Variants in PRUNE2 observed in about 807,000 individuals in gnomAD.
PRUNE2 encodes protein prune homolog 2.
A neutral mutation model predicts 252.0 loss-of-function variants in PRUNE2; 164 were observed. That is an observed-to-expected ratio of 0.65 (90% CI 0.57 to 0.74). PRUNE2 has a LOEUF of 0.74. Among genes scored for constraint, PRUNE2 ranks in the 30% least tolerant of loss-of-function variants. The probability of loss-of-function intolerance (pLI) is 0.00; values close to 1 mark genes in which losing one functional copy is unlikely to be tolerated. For missense variants in PRUNE2, 3,495 were observed against 3,711.0 expected (o/e 0.94, Z 1.51); for synonymous variants, 1,292 against 1,350.2 (o/e 0.96, Z 0.94).
rs1442489917 is a variant in PRUNE2 at position 76,877,613 on chromosome 9, A to G, written c.37-23405T>C. Among the ~76,000 whole-genome samples the G allele has an allele frequency of 2.6e-5, 4 of 152,280 alleles. No homozygotes were observed. The East Asian group carries it at 7.7e-4, about 29-fold the overall frequency. On this transcript the variant is annotated intron_variant, in intron 1 of 18. Coordinates refer to ENST00000376718, the MANE Select transcript of PRUNE2 (RefSeq NM_015225.3). Reference sequence around the variant, plus strand: ...GGAACCCCTCCAATCAGACTACCCAAAAGTGATCCCCCCAGCTGCTGAATA... The same window carrying G: ...GGAACCCCTCCAATCAGACTACCCAGAAGTGATCCCCCCAGCTGCTGAATA...
At chr9:76,662,254 C>T (rs1279999741) in intron 9 of PRUNE2, among the ~76,000 whole-genome samples, 1 of 152,160 alleles carries the variant, frequency 6.6e-6, no homozygotes, top group East Asian at 1.9e-4. Flanking sequence ...CTCTAATGAT[C>T]CTGAATACCA....
rs2046505539 is a variant in PRUNE2 at position 76,708,946 on chromosome 9, C to T, written c.3328G>A (p.Asp1110Asn). 2.5e-6 allele frequency: 4 copies of T among 1,613,980 alleles called. No individual in the cohort carries two copies. The highest frequency in any genetic ancestry group is 1.6e-4 in the Middle Eastern group (1 of 6,062). ...SSTNSRQTAP[D>N]SLDLWNRVIL... ...ACTCTGTTCCACAAGTCGAGACTGT[C>T]AGGGGCCGTCTGCCGGGAGTTGGTG... Residue 1110 changes from aspartate to asparagine, a missense_variant, in exon 8 of 19, where the codon GAC (aspartate) becomes AAC (asparagine). Physicochemically the swap from Asp to Asn is conservative, Grantham distance 23 (BLOSUM62 1). Coordinates refer to ENST00000376718, the MANE Select transcript of PRUNE2 (RefSeq NM_015225.3).
Position 76,720,021 on chromosome 9 carries a change from C to G in PRUNE2, c.757-6300G>C, listed in dbSNP as rs573820447. Among the ~76,000 whole-genome samples, 5 of 152,270 alleles carry G rather than the reference C, an allele frequency of 3.3e-5. No individual in the cohort carries two copies. In the South Asian group the frequency reaches 1.0e-3, roughly 32 times the overall value. On this transcript the variant is annotated intron_variant, in intron 6 of 18. Transcript: ENST00000376718. The stretch of plus-strand genomic sequence containing the variant: ...GACAAAGCTGTTAACTGGATTATTA[C>G]TTTAATAACTAAAACTTACAAACAA...
chr9:76,833,244 T>G (rs530310513), intron 4 of PRUNE2, among the ~76,000 whole-genome samples: 3 of 152,188 alleles, frequency 2.0e-5, no homozygotes, highest in Admixed American at 6.5e-5. Flanking sequence ...GGATATTGCA[T>G]AGCCACCAAG....
intron 10 of PRUNE2, 44 bp from the exon 11 acceptor site, chr9:76,652,727 G>A (rs1847914801): frequency 1.5e-6 from 2 of 1,379,242 alleles, no homozygotes; most frequent in Non-Finnish European, 1.0e-6. Context: ...TAAACCAGAG[G>A]AGCAATCTAA....
chr9:76,863,645 A>G (rs905079045), intron 1 of PRUNE2, among the ~76,000 whole-genome samples: 1 of 152,220 alleles, frequency 6.6e-6, no homozygotes, highest in African/African-American at 2.4e-5. Flanking sequence ...GTACTAAACA[A>G]CAGCAGCACA....
intron 6 of PRUNE2, among the ~76,000 whole-genome samples, chr9:76,818,573 A>T (rs2057838364): frequency 6.6e-6 from 1 of 151,940 alleles, no homozygotes; most frequent in South Asian, 2.1e-4. Flanking sequence ...GGTCATGAGG[A>T]GGTCTGAGGC....
chr9:76,847,154 G>A (rs992887569), intron 3 of PRUNE2, among the ~76,000 whole-genome samples: 4 of 151,910 alleles, frequency 2.6e-5, no homozygotes, highest in Admixed American at 1.3e-4. Context: ...GTGAAACCTC[G>A]TCTCTACTAA....
chr9:76,624,202 A>G (rs1283618773), intron 17 of PRUNE2, among the ~76,000 whole-genome samples: 1 of 152,190 alleles, frequency 6.6e-6, no homozygotes, highest in Non-Finnish European at 1.5e-5. Flanking sequence ...TGTGGTGCCT[A>G]GAATTGCGTG....
At chr9:76,773,585 A>C (rs150369184) in intron 6 of PRUNE2, among the ~76,000 whole-genome samples, 2 of 152,056 alleles carry the variant, frequency 1.3e-5, no homozygotes, top group African/African-American at 4.8e-5. Context: ...CTGGGATTAC[A>C]GGCACCTGCC....
chr9:76,776,823 T>TG (rs2053822304), intron 6 of PRUNE2, among the ~76,000 whole-genome samples: 1 of 151,258 alleles, frequency 6.6e-6, no homozygotes, highest in African/African-American at 2.4e-5. Flanking sequence ...GCCAGCAGTT[T>TG]TTTTTTTTTT....
chr9:76,787,208 T>C (rs2055073617), intron 6 of PRUNE2: 1 of 152,198 alleles, frequency 6.6e-6, no homozygotes, highest in African/African-American at 2.4e-5. Flanking sequence ...TATATCAACT[T>C]TGATTCTTTG....
intron 11 of PRUNE2, chr9:76,652,090 T>C (rs11144993): frequency 0.039 from 6,175 of 160,174 alleles, 382 homozygotes; most frequent in African/African-American, 0.14. Flanking sequence ...GAAAAGAACA[T>C]TGCAGATAGT....
At chr9:76,750,648 G>A (rs1389188605) in intron 6 of PRUNE2, among the ~76,000 whole-genome samples, 4 of 152,178 alleles carry the variant, frequency 2.6e-5, no homozygotes, top group Non-Finnish European at 5.9e-5. Context: ...TTGCACAAGA[G>A]TCCATGGGCT....
chr9:76,897,576 G>A (rs35307956), intron 1 of PRUNE2, among the ~76,000 whole-genome samples: 1 of 151,436 alleles, frequency 6.6e-6, no homozygotes, highest in Non-Finnish European at 1.5e-5. Flanking sequence ...ACCACGCCCA[G>A]TTAATTTTTT....
intron 1 of PRUNE2, among the ~76,000 whole-genome samples, chr9:76,890,709 G>C (rs547781752): frequency 6.6e-6 from 1 of 152,172 alleles, no homozygotes; most frequent in African/African-American, 2.4e-5. Context: ...CACGGGGTCT[G>C]TAAAGGAATT....
At chr9:76,775,087 TACTTGCTA>T (rs1427180621) in intron 6 of PRUNE2, among the ~76,000 whole-genome samples, 1 of 152,212 alleles carries the variant, frequency 6.6e-6, no homozygotes, top group Admixed American at 6.5e-5. Flanking sequence ...TTTGCCCTGT[TACTTGCTA>T]AGCTGAACCG....
In PRUNE2 at chr9:76,704,099, C is replaced by G; in HGVS notation, c.7514G>C (p.Gly2505Ala). 2 of 1,572,624 alleles carry G rather than the reference C, an allele frequency of 1.3e-6. No individual in the cohort carries two copies. The highest frequency in any genetic ancestry group is 1.7e-6 in the Non-Finnish European group (2 of 1,161,550). ...PAGGDIGPPN[G>A]ASKEISELEE... The stretch of plus-strand genomic sequence containing the variant: ...CAATTCTGATATTTCCTTGCTGGCA[C>G]CTAGAAGTGGAAGTTGAAAGTGAGA... Residue 2505 changes from glycine to alanine, a missense_variant and splice_region_variant, in exon 9 of 19, where the codon GGT becomes GCT. By Grantham distance (60) the Gly-to-Ala change is moderately conservative. Coordinates refer to ENST00000376718, the MANE Select transcript of PRUNE2 (RefSeq NM_015225.3).
At chr9:76,856,262 G>A (rs1045270695) in intron 1 of PRUNE2, among the ~76,000 whole-genome samples, 1 of 152,160 alleles carries the variant, frequency 6.6e-6, no homozygotes, top group Non-Finnish European at 1.5e-5. Flanking sequence ...TCAACACTAT[G>A]AGGATCTCAG....
Sources: allele counts gnomAD v4.1 joint callset (sites outside exome capture counted in the v4.1 genomes callset), GRCh38; gene constraint gnomAD v4.1.1; transcripts MANE v1.5; gene names NCBI Gene and HGNC (gene_info 2026-07-23, HGNC 2026-07-21).